ARHGEF4: variants seen among roughly 807,000 people sequenced by gnomAD.
The protein encoded by ARHGEF4 is Rho guanine nucleotide exchange factor 4.
In ARHGEF4, 119 loss-of-function variants were observed where a neutral mutation model predicts 162.0. The ratio of observed to expected loss-of-function variants is 0.73; its 90% confidence interval spans 0.63 to 0.86. The LOEUF (loss-of-function observed/expected upper bound fraction) is 0.86, where lower values mean the gene tolerates loss of function less well. ARHGEF4 is among the 40% of genes least tolerant of loss of function. ARHGEF4 has a pLI of 0.00. For missense variants in ARHGEF4, 2,488 were observed against 2,456.0 expected (o/e 1.01, Z -0.28); for synonymous variants, 1,014 against 979.9 (o/e 1.03, Z -0.65).
At chr2:130,938,388 C>T (rs1249712177) in intron 3 of ARHGEF4, among the ~76,000 whole-genome samples, 1 of 152,154 alleles carries the variant, frequency 6.6e-6, no homozygotes, top group African/African-American at 2.4e-5. Context: ...GTAGTGATAA[C>T]TCATTTTGGA....
At chr2:131,033,394 C>A (rs577605786) in intron 5 of ARHGEF4, among the ~76,000 whole-genome samples, 1 of 152,312 alleles carries the variant, frequency 6.6e-6, no homozygotes, top group East Asian at 1.9e-4. Flanking sequence ...GGCTGAAGAA[C>A]CAACCCCTGC....
chr2:130,967,922 A>T, intron 4 of ARHGEF4, among the ~76,000 whole-genome samples: 1 of 152,218 alleles, frequency 6.6e-6, no homozygotes, highest in East Asian at 1.9e-4. Context: ...ACGATGCTTC[A>T]GTCACTCTGC....
chr2:130,997,522 T>A (rs1452237410), intron 4 of ARHGEF4, among the ~76,000 whole-genome samples: 1 of 152,212 alleles, frequency 6.6e-6, no homozygotes, highest in Non-Finnish European at 1.5e-5. Context: ...CGTGCATTCT[T>A]CTCTGGTTTT....
At chr2:131,002,709 CAAAAAAAAAAA>C (rs66979991) in intron 4 of ARHGEF4, among the ~76,000 whole-genome samples, 4 of 53,220 alleles carry the variant, frequency 7.5e-5, no homozygotes, top group Non-Finnish European at 9.4e-5. Flanking sequence ...GACTCCGTCT[CAAAAAAAAAAA>C]AAAAAAAAAA....
intron 1 of ARHGEF4, among the ~76,000 whole-genome samples, chr2:130,890,910 C>G (rs371669544): frequency 6.6e-6 from 1 of 152,116 alleles, no homozygotes; most frequent in East Asian, 1.9e-4. Flanking sequence ...CACAGAGATG[C>G]TTGTCTGTGG....
At position 130,916,539 on chromosome 2, in the gene ARHGEF4, G is replaced by A. The variant is rs1574223135; in HGVS notation, c.2593G>A (p.Gly865Ser). ...AWPEFVPQAAGDRTAGPAGAG... is the reference protein window; with the variant it reads ...AWPEFVPQAASDRTAGPAGAG... Reference sequence around the variant, plus strand: ...GCCCGAGTTTGTCCCGCAGGCTGCAGGCGACAGGACTGCAGGGCCGGCAGG... The same window carrying A: ...GCCCGAGTTTGTCCCGCAGGCTGCAAGCGACAGGACTGCAGGGCCGGCAGG... Residue 865 changes from glycine (G) to serine (S), a missense_variant, in exon 2 of 14, where the codon GGC becomes AGC. Transcript: ENST00000409359. 1.7e-5 allele frequency: 27 copies of A among 1,550,138 alleles called. No individual in the cohort carries two copies. The highest frequency in any genetic ancestry group is 2.3e-5 in the Non-Finnish European group (26 of 1,146,938).
rs368053341 is a variant in ARHGEF4 at position 130,977,675 on chromosome 2, T to C, written c.3985+31040T>C. Among the ~76,000 whole-genome samples, 7 of 152,158 alleles carry C rather than the reference T, an allele frequency of 4.6e-5. No individual in the cohort carries two copies. The East Asian group carries it at 1.2e-3, about 25-fold the overall frequency. ...GTGTCGTGTATGTATGGTGTGTGTG[T>C]GTGCGCTGTGTGCATTGTGCAAACG... On this transcript the variant is annotated intron_variant, in intron 4 of 13. Coordinates refer to ENST00000409359, the MANE Select transcript of ARHGEF4 (RefSeq NM_001367493.1).
At chr2:130,971,565 G>A (rs1335056134) in intron 4 of ARHGEF4, among the ~76,000 whole-genome samples, 1 of 151,530 alleles carries the variant, frequency 6.6e-6, no homozygotes, top group Admixed American at 6.6e-5. Context: ...GGCTGAGGCA[G>A]GAGAATTGGT....
intron 1 of ARHGEF4, among the ~76,000 whole-genome samples, chr2:130,909,351 C>T (rs1243918682): frequency 6.6e-6 from 1 of 152,124 alleles, no homozygotes; most frequent in Non-Finnish European, 1.5e-5. Context: ...GGAATGAATT[C>T]CTGTCACATG....
intron 1 of ARHGEF4, among the ~76,000 whole-genome samples, chr2:130,884,231 TACAC>T (rs71398510): frequency 6.6e-6 from 1 of 151,554 alleles, no homozygotes; most frequent in African/African-American, 2.4e-5. Context: ...ACTCAATTTA[TACAC>T]ACACACACGC....
At chr2:130,961,870 C>G (rs1684641462) in intron 4 of ARHGEF4, among the ~76,000 whole-genome samples, 1 of 152,076 alleles carries the variant, frequency 6.6e-6, no homozygotes, top group Non-Finnish European at 1.5e-5. Context: ...AGCTGTAGGA[C>G]ACAGATGGTG....
At position 131,044,301 on chromosome 2, in the gene ARHGEF4, C is replaced by T. The variant is rs1320788089; in HGVS notation, c.5160C>T (p.Asp1720=). Residue 1720 remains aspartate (D), a splice_region_variant and synonymous_variant, in exon 12 of 14, where the codon GAC becomes GAT. Transcript: ENST00000409359. ...GGGCTGAGGCCAGCATCTGGCAGGA[C>T]CTGCTCCGCCGCGACGTGTTGTACT... The part of the protein sequence containing the change: ...FDHQLIYCKK[D]LLRRDVLYYK... 6.8e-6 allele frequency: 11 copies of T among 1,610,448 alleles called. No homozygotes were observed. The highest frequency in any genetic ancestry group is 1.7e-6 in the Non-Finnish European group (2 of 1,179,088).
At chr2:130,885,608 C>T (rs1357264491) in intron 1 of ARHGEF4, among the ~76,000 whole-genome samples, 3 of 139,448 alleles carry the variant, frequency 2.2e-5, no homozygotes, top group African/African-American at 5.4e-5. Flanking sequence ...CTCCCTCTGT[C>T]GCCCAGTCTG....
At chr2:130,964,367 C>T (rs1056737065) in intron 4 of ARHGEF4, 4 of 527,534 alleles carry the variant, frequency 7.6e-6, no homozygotes, top group Non-Finnish European at 9.7e-6. Context: ...CCTGTCGTTT[C>T]CATCTCCTGG....
At position 130,916,966 on chromosome 2, in the gene ARHGEF4, C is replaced by A; in HGVS notation, c.3020C>A (p.Pro1007Gln). The A allele has an allele frequency of 6.4e-7, 1 of 1,550,882 alleles. No individual in the cohort carries two copies. The highest frequency in any genetic ancestry group is 8.7e-7 in the Non-Finnish European group (1 of 1,147,066). The change falls in exon 2 of 14, where the codon CCA (proline) becomes CAA (glutamine). Residue 1007 changes from proline (P) to glutamine (Q), a missense_variant. Pro to Gln is a moderately conservative substitution (Grantham distance 76). Around this residue, in one of 6 missense-constraint regions of ARHGEF4, gnomAD observed 1,642 missense variants for 1,481.5 expected, o/e 1.11. Transcript: ENST00000409359. ...GTTTTTAGCGATCACTGGGCACCCCCACTTGCCTCCACACCTTTGTCCTCC... is the reference window on the plus strand; with the variant it reads ...GTTTTTAGCGATCACTGGGCACCCCAACTTGCCTCCACACCTTTGTCCTCC... ...GYVFSDHWAP[P>Q]LASTPLSSSL...
In ARHGEF4 at chr2:131,026,836, AC is replaced by A. The variant is rs1299162652; in HGVS notation, c.3986-1108del. Reference sequence around the variant, plus strand: ...GGTGTGCCTAGGACCCAGCAGGGCCACACACACCTAGGCGTCTACACTCAGC... The same window carrying A: ...GGTGTGCCTAGGACCCAGCAGGGCCAACACACCTAGGCGTCTACACTCAGC... On this transcript the variant is annotated intron_variant, in intron 4 of 13. Transcript: ENST00000409359. Among the ~76,000 whole-genome samples, 13 of 152,152 alleles carry A rather than the reference AC, an allele frequency of 8.5e-5. No individual in the cohort carries two copies. In the East Asian group the frequency reaches 2.5e-3, roughly 29 times the overall value.
At chr2:130,937,817 G>A (rs762887422) in intron 3 of ARHGEF4, among the ~76,000 whole-genome samples, 11 of 151,858 alleles carry the variant, frequency 7.2e-5, no homozygotes, top group South Asian at 2.1e-4. Context: ...ACAGGCACTC[G>A]CCACCATGCC....
intron 1 of ARHGEF4, among the ~76,000 whole-genome samples, chr2:130,853,284 G>A (rs1449972178): frequency 6.6e-6 from 1 of 152,170 alleles, no homozygotes; most frequent in Non-Finnish European, 1.5e-5. Context: ...GGTGGAGGAG[G>A]GAGCCCTGAG....
At chr2:130,962,762 C>T (rs1684702980) in intron 4 of ARHGEF4, among the ~76,000 whole-genome samples, 1 of 151,040 alleles carries the variant, frequency 6.6e-6, no homozygotes. Flanking sequence ...ACACTAGAAG[C>T]AGCCCCCAAG....
Sources: gnomAD v4.1 joint callset for allele counts (sites outside exome capture counted in the v4.1 genomes callset) on GRCh38, gnomAD v4.1.1 for gene constraint, gnomAD v4.1.1 regional missense constraint, MANE v1.5 for transcripts, NCBI Gene and HGNC (gene_info 2026-07-23, HGNC 2026-07-21) for gene names.